THSD7A: variants seen among roughly 807,000 people sequenced by gnomAD.
The protein encoded by THSD7A is thrombospondin type 1 domain containing 7A.
In THSD7A, 96 loss-of-function variants were observed where a neutral mutation model predicts 231.3. The ratio of observed to expected loss-of-function variants is 0.41; its 90% CI spans 0.35 to 0.49. The LOEUF (loss-of-function observed/expected upper bound fraction) is 0.49. Among genes scored for constraint, THSD7A ranks in the 20% least tolerant of loss-of-function variants. The pLI, the probability that THSD7A is intolerant of heterozygous loss-of-function variation, is 0.05. For synonymous variants in THSD7A, 940 were observed against 743.3 expected, an observed-to-expected ratio of 1.26 and a Z score of -4.30; for missense variants, 2,290 against 2,070.2, an observed-to-expected ratio of 1.11 and a Z score of -2.06.
At chr7:11,702,712 A>C (rs12531854) in intron 1 of THSD7A, among the ~76,000 whole-genome samples, 37,067 of 151,058 alleles carry the variant, frequency 0.25, 4,947 homozygotes, top group Non-Finnish European at 0.31. Flanking sequence ...GAGCAAATTA[A>C]ATAATTATTT....
intron 6 of THSD7A, among the ~76,000 whole-genome samples, chr7:11,528,398 T>C (rs1788565916): frequency 6.6e-6 from 1 of 152,170 alleles, no homozygotes; most frequent in African/African-American, 2.4e-5. Flanking sequence ...AAAGCGATTA[T>C]TACAGCCAAG....
intron 11 of THSD7A, among the ~76,000 whole-genome samples, chr7:11,450,632 A>G (rs1785113505): frequency 6.6e-6 from 1 of 152,116 alleles, no homozygotes; most frequent in African/African-American, 2.4e-5. Flanking sequence ...TATGGATCTT[A>G]AAAATCATTT....
chr7:11,578,571 A>G (rs1164045693), intron 4 of THSD7A, among the ~76,000 whole-genome samples: 1 of 152,210 alleles, frequency 6.6e-6, no homozygotes, highest in Non-Finnish European at 1.5e-5. Context: ...AGAAGCTTAA[A>G]ATCTTGGGAA....
At chr7:11,680,264 G>C (rs970746457) in intron 1 of THSD7A, among the ~76,000 whole-genome samples, 1 of 152,010 alleles carries the variant, frequency 6.6e-6, no homozygotes, top group Non-Finnish European at 1.5e-5. Flanking sequence ...GAAAACCTAG[G>C]CAATACCATT....
At chr7:11,491,264 C>T (rs781120945) in intron 6 of THSD7A, among the ~76,000 whole-genome samples, 10 of 151,978 alleles carry the variant, frequency 6.6e-5, no homozygotes, top group Non-Finnish European at 1.2e-4. Flanking sequence ...ATTTTATAGT[C>T]CATATTTTAT....
intron 1 of THSD7A, among the ~76,000 whole-genome samples, chr7:11,669,174 A>C (rs1309452820): frequency 6.6e-6 from 1 of 152,188 alleles, no homozygotes; most frequent in African/African-American, 2.4e-5. Flanking sequence ...TTCATTTATA[A>C]TGGAAATCAT....
At chr7:11,425,479 A>G (rs936240864) in intron 15 of THSD7A, among the ~76,000 whole-genome samples, 5 of 152,236 alleles carry the variant, frequency 3.3e-5, no homozygotes, top group African/African-American at 9.6e-5. Context: ...TGAGGGCCAC[A>G]TGAAACAAGG....
At chr7:11,725,885 T>C (rs990555276) in intron 1 of THSD7A, among the ~76,000 whole-genome samples, 1 of 151,978 alleles carries the variant, frequency 6.6e-6, no homozygotes, top group Non-Finnish European at 1.5e-5. Flanking sequence ...GGGATAATAA[T>C]AACTAATATT....
chr7:11,379,195 AC>A lies in THSD7A; in HGVS notation c.4675del (p.Val1559TrpfsTer13). ...TLEQCTLIPV[V>X]VLPTMEDKRG... Reference sequence around the variant, plus strand: ...TTTGTCCTCCATGGTGGGTAATACCACCACGGGGATAAGTGTGCATTGCTCA... The same window carrying A: ...TTTGTCCTCCATGGTGGGTAATACCACACGGGGATAAGTGTGCATTGCTCA... On this transcript the variant is annotated frameshift_variant, in exon 26 of 28. Coordinates refer to ENST00000423059, the MANE Select transcript of THSD7A (RefSeq NM_015204.3). LOFTEE classifies it high-confidence loss of function. The A allele has an allele frequency of 1.2e-6, 2 of 1,613,666 alleles. No homozygotes were observed. The highest frequency in any genetic ancestry group is 1.7e-6 in the Non-Finnish European group (2 of 1,179,690).
intron 11 of THSD7A, among the ~76,000 whole-genome samples, chr7:11,454,489 C>G (rs1785240247): frequency 6.6e-6 from 1 of 151,738 alleles, no homozygotes. Flanking sequence ...AAAGATTTTA[C>G]TTCTTGCCTT....
intron 6 of THSD7A, among the ~76,000 whole-genome samples, chr7:11,528,680 C>T (rs141765382): frequency 6.6e-6 from 1 of 152,156 alleles, no homozygotes; most frequent in Non-Finnish European, 1.5e-5. Context: ...ACTAGCAAAA[C>T]TGGAAGTCAA....
intron 2 of THSD7A, among the ~76,000 whole-genome samples, chr7:11,605,865 C>A (rs912172159): frequency 5.3e-5 from 8 of 152,240 alleles, no homozygotes; most frequent in Admixed American, 4.6e-4. Flanking sequence ...TGCTGGCACA[C>A]ACTGCCCCAT....
At chr7:11,623,142 T>C (rs1159830396) in intron 2 of THSD7A, among the ~76,000 whole-genome samples, 1 of 152,160 alleles carries the variant, frequency 6.6e-6, no homozygotes, top group Non-Finnish European at 1.5e-5. Flanking sequence ...CTATTAGGAC[T>C]CAGGAAAGAA....
At chr7:11,647,225 G>A (rs548333488) in intron 1 of THSD7A, among the ~76,000 whole-genome samples, 38 of 152,056 alleles carry the variant, frequency 2.5e-4, no homozygotes, top group Admixed American at 7.2e-4. Context: ...TTCAATGTCT[G>A]CAAGTATAGG....
Position 11,705,422 on chromosome 7 carries a change from T to A in THSD7A, c.191-68461A>T, listed in dbSNP as rs1424220903. ...AAGGCCTAGTTGCATCTTCTACTTC[T>A]GGAAGTTGACTCAGTAATAGCCACT... On this transcript the variant is annotated intron_variant, in intron 1 of 27. Coordinates refer to ENST00000423059, the MANE Select transcript of THSD7A (RefSeq NM_015204.3). 2.6e-5 allele frequency among the ~76,000 whole-genome samples: 4 copies of A among 151,170 alleles called. No homozygotes were observed. In the East Asian group the frequency reaches 7.9e-4, roughly 30 times the overall value.
chr7:11,622,763 T>C (rs565683905), intron 2 of THSD7A, among the ~76,000 whole-genome samples: 3 of 152,246 alleles, frequency 2.0e-5, no homozygotes, highest in South Asian at 2.1e-4. Context: ...TAAAATAACA[T>C]AGTGAAGGGC....
intron 1 of THSD7A, among the ~76,000 whole-genome samples, chr7:11,781,747 G>A (rs1461827272): frequency 2.0e-5 from 3 of 152,118 alleles, no homozygotes; most frequent in Admixed American, 6.6e-5. Context: ...TATTGATAAC[G>A]ACCTAATTTC....
At chr7:11,559,847 G>A (rs550591587) in intron 4 of THSD7A, among the ~76,000 whole-genome samples, 1 of 152,242 alleles carries the variant, frequency 6.6e-6, no homozygotes, top group Non-Finnish European at 1.5e-5. Flanking sequence ...CTGCTGGTGG[G>A]AATTTAAGTT....
Position 11,474,419 on chromosome 7 carries a change from T to A in THSD7A, c.2167A>T (p.Asn723Tyr). The change falls in exon 8 of 28, where the codon AAT becomes TAT. Residue 723 changes from asparagine to tyrosine, a missense_variant. Coordinates refer to ENST00000423059, the MANE Select transcript of THSD7A (RefSeq NM_015204.3). This position sits in a 1 kb window ranked among gnomAD's most constrained non-coding sequence, Gnocchi z 4.1. ...CCGACAGAGCAGGAGGCCTCCCCATTCCAAGTCGTAGTTGTGTTGAAGGAC... is the reference window on the plus strand; with the variant it reads ...CCGACAGAGCAGGAGGCCTCCCCATACCAAGTCGTAGTTGTGTTGAAGGAC... ...VSSFNTTTTW[N>Y]GEASCSVGMQ... 2 of 1,613,512 alleles carry A rather than the reference T, an allele frequency of 1.2e-6. No individual in the cohort carries two copies. Among genetic ancestry groups the A allele is most frequent in the Non-Finnish European group, 1.7e-6 (2 of 1,179,582 alleles).
Sources: allele counts gnomAD v4.1 joint callset (sites outside exome capture counted in the v4.1 genomes callset), GRCh38; gene constraint gnomAD v4.1.1; non-coding constraint Gnocchi (gnomAD v3.1); transcripts MANE v1.5; gene names NCBI Gene and HGNC (gene_info 2026-07-23, HGNC 2026-07-21).